The following CCDC97 variants were observed in gnomAD, a reference collection of about 807,000 sequenced individuals.
CCDC97 encodes the protein coiled-coil domain containing 97, also known as coiled-coil domain-containing protein 97.
Under a neutral mutation model 33.9 loss-of-function variants are expected in CCDC97, and 27 were observed. The observed-to-expected ratio is 0.80, with a 90% CI of 0.59 to 1.10. The LOEUF (loss-of-function observed/expected upper bound fraction) is 1.10, where lower values mean the gene tolerates loss of function less well. Among genes scored for constraint, CCDC97 ranks in the 50% least tolerant of loss-of-function variants. The probability of loss-of-function intolerance (pLI) is 0.00; values close to 1 mark genes in which losing one functional copy is unlikely to be tolerated. For missense variants in CCDC97, 422 were observed against 476.6 expected (o/e 0.89, Z 1.07); for synonymous variants, 217 against 194.0 (o/e 1.12, Z -0.99).
At position 41,319,837 on chromosome 19, in the gene CCDC97, G is replaced by C. The variant is rs1171489481; in HGVS notation, c.766G>C (p.Asp256His). The change falls in exon 3 of 5, where the codon GAC (aspartate) becomes CAC (histidine). Residue 256 changes from aspartate to histidine, a missense_variant. Transcript: ENST00000269967. Reference protein sequence around the residue: ...ACLEEEEEEEDSDEEDQRSGK... With the variant: ...ACLEEEEEEEHSDEEDQRSGK... ...CTTGGAGGAAGAGGAAGAGGAGGAG[G>C]ACAGTGACGAGGAAGGTGAGGGCCA... 2 of 1,534,172 alleles carry C rather than the reference G, an allele frequency of 1.3e-6. No homozygotes were observed. Among genetic ancestry groups the C allele is most frequent in the Non-Finnish European group, 1.8e-6 (2 of 1,120,266 alleles).
chr19:41,310,332 A>G lies in CCDC97; in HGVS notation c.22A>G (p.Thr8Ala). The change falls in exon 1 of 5, where the codon ACG becomes GCG. Residue 8 changes from threonine (T) to alanine (A), a missense_variant. Transcript: ENST00000269967. MEAVATA[T>A]AAKEPDKGCI... ...CAGGATGGAGGCCGTGGCGACGGCG[A>G]CGGCGGCGAAGGAACCCGATAAGGG... The G allele has an allele frequency of 6.2e-7, 1 of 1,606,684 alleles. No homozygotes were observed. Among genetic ancestry groups the G allele is most frequent in the Non-Finnish European group, 8.5e-7 (1 of 1,176,906 alleles).
chr19:41,316,912 A>G, intron 2 of CCDC97, 73 bp downstream of exon 2: 1 of 1,173,832 alleles, frequency 8.5e-7, no homozygotes, highest in East Asian at 2.4e-5. Context: ...GGAATTAGAG[A>G]AAAGAATACA....
intron 4 of CCDC97, among the ~76,000 whole-genome samples, chr19:41,321,008 G>A (rs892043880): frequency 1.3e-5 from 2 of 152,234 alleles, no homozygotes; most frequent in African/African-American, 4.8e-5. Context: ...GATTGGTTTT[G>A]TCATTTAAGG....
intron 2 of CCDC97, 22 bp from the exon 3 acceptor site, chr19:41,319,551 CA>C (rs766015624): frequency 1.9e-6 from 3 of 1,552,112 alleles, no homozygotes; most frequent in Non-Finnish European, 2.6e-6. Flanking sequence ...ACCCCATGCC[CA>C]CCCTGTCTCT....
At chr19:41,313,005 G>A (rs747041309) in intron 1 of CCDC97, among the ~76,000 whole-genome samples, 1 of 152,022 alleles carries the variant, frequency 6.6e-6, no homozygotes, top group Non-Finnish European at 1.5e-5. Flanking sequence ...CTCCTGACCT[G>A]AAGTGATTCT....
rs143835604 is a variant in CCDC97 at position 41,322,868 on chromosome 19, A to G, written c.*153A>G. 1,641 of 766,724 alleles carry G rather than the reference A, an allele frequency of 2.1e-3. 32 individuals carry two copies. In the East Asian group the frequency reaches 0.027, roughly 12 times the overall value. The allele number at this position is 766,724 out of a possible 1,614,324, so 47.5% of individuals were successfully genotyped here. ...ATCTCACTGGGTCTAGTCTCATCTC[A>G]GACAACCCCCACCCCCACTGTTTCT... On this transcript the variant is annotated 3_prime_UTR_variant, in exon 5 of 5. Coordinates refer to ENST00000269967, the MANE Select transcript of CCDC97 (RefSeq NM_052848.3).
intron 4 of CCDC97, among the ~76,000 whole-genome samples, chr19:41,320,998 G>T (rs1393987613): frequency 6.6e-6 from 1 of 152,248 alleles, no homozygotes; most frequent in Non-Finnish European, 1.5e-5. Context: ...GTCAGTCAAA[G>T]ATTGGTTTTG....
intron 2 of CCDC97, 35 bp from the exon 3 acceptor site, chr19:41,319,539 T>C: frequency 6.7e-7 from 1 of 1,493,638 alleles, no homozygotes; most frequent in Non-Finnish European, 9.2e-7. Flanking sequence ...GCTCAGTCGC[T>C]CACCCCATGC....
At chr19:41,310,444 C>A in intron 1 of CCDC97, 88 bp downstream of exon 1, 2 of 1,534,252 alleles carry the variant, frequency 1.3e-6, no homozygotes, top group Non-Finnish European at 1.8e-6. Context: ...AAGTAGGACT[C>A]GTTTTAGGGG....
At chr19:41,319,419 G>A (rs2037789632) in intron 2 of CCDC97, among the ~76,000 whole-genome samples, 155 bp from the exon 3 acceptor site, 1 of 152,224 alleles carries the variant, frequency 6.6e-6, no homozygotes, top group Non-Finnish European at 1.5e-5. Context: ...CGCACCTCAG[G>A]TGCCTGCATG....
chr19:41,310,618 C>G (rs1186677391), intron 1 of CCDC97: 1 of 985,248 alleles, frequency 1.0e-6, no homozygotes, highest in East Asian at 1.1e-4. Flanking sequence ...CATTTCCTTA[C>G]CAGGCTAACT....
At chr19:41,317,815 C>T (rs1002246702) in intron 2 of CCDC97, among the ~76,000 whole-genome samples, 7 of 150,424 alleles carry the variant, frequency 4.7e-5, no homozygotes, top group African/African-American at 1.5e-4. Flanking sequence ...TTTGGGAGGG[C>T]GAGGTGGGGG....
chr19:41,320,579 G>A, intron 4 of CCDC97, 109 bp downstream of exon 4: 1 of 1,436,178 alleles, frequency 7.0e-7, no homozygotes, highest in East Asian at 2.3e-5. Context: ...GGAGCTACAA[G>A]GCCCCAAAAC....
chr19:41,319,409 C>T (rs759580027), intron 2 of CCDC97, among the ~76,000 whole-genome samples, 165 bp from the exon 3 acceptor site: 5 of 152,128 alleles, frequency 3.3e-5, no homozygotes, highest in Non-Finnish European at 5.9e-5. Flanking sequence ...AGTACTCACG[C>T]GCACCTCAGG....
rs188335747 is a variant in CCDC97 at position 41,320,378 on chromosome 19, C to G, written c.819C>G (p.Pro273=). 1 of 1,614,110 alleles carries G rather than the reference C, an allele frequency of 6.2e-7. No homozygotes were observed. The highest frequency in any genetic ancestry group is 8.5e-7 in the Non-Finnish European group (1 of 1,180,014). Reference sequence around the variant, plus strand: ...GCAAGGACTCGGAGGCCTGGGTTCCCGACTCGGAGGAGAGGCTGATCCTGC... The same window carrying G: ...GCAAGGACTCGGAGGCCTGGGTTCCGGACTCGGAGGAGAGGCTGATCCTGC... The part of the protein sequence containing the change: ...RSGKDSEAWV[P]DSEERLILRE... Residue 273 remains proline, a synonymous_variant, in exon 4 of 5, where the codon CCC becomes CCG. Transcript: ENST00000269967.
chr19:41,310,556 C>T (rs2037671092), intron 1 of CCDC97, 200 bp downstream of exon 1: 1 of 985,372 alleles, frequency 1.0e-6, no homozygotes, highest in Non-Finnish European at 1.2e-6. Flanking sequence ...TTCCTTCCCC[C>T]CGAAATTAAC....
At chr19:41,310,884 A>T in intron 1 of CCDC97, 2 of 987,926 alleles carry the variant, frequency 2.0e-6, no homozygotes, top group Non-Finnish European at 2.4e-6. Flanking sequence ...GTCCTTACTC[A>T]ATTTCTGTGC....
At position 41,318,831 on chromosome 19, in the gene CCDC97, C is replaced by T. The variant is rs1421830544; in HGVS notation, c.503-743C>T. ...ACCAGGAGGCTTTCCCAGGGATACA[C>T]GGGCAGATGCCCCACCTGACCTGAT... On this transcript the variant is annotated intron_variant, in intron 2 of 4. Transcript: ENST00000269967. Among the ~76,000 whole-genome samples, 4 of 152,134 alleles carry T rather than the reference C, an allele frequency of 2.6e-5. No individual in the cohort carries two copies. In the East Asian group the frequency reaches 5.8e-4, roughly 22 times the overall value.
chr19:41,320,134 G>A lies in CCDC97; in HGVS notation c.782-207G>A, dbSNP rs563745050. On this transcript the variant is annotated intron_variant, in intron 3 of 4. Transcript: ENST00000269967. ...CCCTTCAGGTCTCAGATCCTGACCC[G>A]AGGATACAGTCTCCAGAGCACTATA... Among the ~76,000 whole-genome samples the A allele has an allele frequency of 9.2e-5, 14 of 152,228 alleles. No individual in the cohort carries two copies. The East Asian group carries it at 1.7e-3, about 19-fold the overall frequency.
Sources: gnomAD v4.1 joint callset for allele counts (sites outside exome capture counted in the v4.1 genomes callset) on GRCh38, gnomAD v4.1.1 for gene constraint, MANE v1.5 for transcripts, NCBI Gene and HGNC (gene_info 2026-07-23, HGNC 2026-07-21) for gene names.